Variants in NOX4 observed in about 807,000 individuals in gnomAD.
NOX4 encodes the protein NADPH oxidase 4.
A neutral mutation model predicts 87.6 loss-of-function variants in NOX4; 69 were observed. The ratio of observed to expected loss-of-function variants is 0.79; its 90% CI spans 0.65 to 0.96. The LOEUF (loss-of-function observed/expected upper bound fraction) is 0.96, where lower values mean the gene tolerates loss of function less well. Ranked by LOEUF, NOX4 falls within the 40% of genes least tolerant of loss-of-function variation. The probability of loss-of-function intolerance (pLI) is 0.00; values close to 1 mark genes in which losing one functional copy is unlikely to be tolerated. For synonymous variants in NOX4, 275 were observed against 238.2 expected (o/e 1.15, Z -1.42); for missense variants, 680 against 681.5 (o/e 1.00, Z 0.02).
chr11:89,532,299 C>T, the NOX4 span, among the ~76,000 whole-genome samples: 19 of 152,204 alleles, frequency 1.2e-4, no homozygotes, highest in African/African-American at 3.6e-4. Flanking sequence ...CCTACAGAGC[C>T]ACAGAGGCAG....
At position 89,422,963 on chromosome 11, in the gene NOX4, C is replaced by T. The variant is rs191290992; in HGVS notation, c.549-981G>A. Among the ~76,000 whole-genome samples, 187 of 152,010 alleles carry T rather than the reference C, an allele frequency of 1.2e-3. 2 individuals are homozygous for T. Among genetic ancestry groups the T allele is most frequent in the African/African-American group, 4.3e-3 (178 of 41,464 alleles). On this transcript the variant is annotated intron_variant, in intron 7 of 17. Coordinates refer to ENST00000263317, the MANE Select transcript of NOX4 (RefSeq NM_016931.5). ...TACAGGCACTCGCCACCATGACCAG[C>T]TAATATTTGCATTCTTGGTAGAGAT...
At chr11:89,518,436 T>A in the NOX4 span, among the ~76,000 whole-genome samples, 1 of 152,002 alleles carries the variant, frequency 6.6e-6, no homozygotes. Context: ...AAAAACATGA[T>A]CAGAATTAGT....
the NOX4 span, among the ~76,000 whole-genome samples, chr11:89,561,046 C>CATAT: frequency 1.6e-4 from 4 of 25,666 alleles, no homozygotes; most frequent in African/African-American, 2.2e-4. Context: ...ACACATATAT[C>CATAT]ATACATATAT....
upstream of NOX4, among the ~76,000 whole-genome samples, chr11:89,500,690 A>T (rs1312678882): frequency 6.6e-6 from 1 of 152,152 alleles, no homozygotes; most frequent in Non-Finnish European, 1.5e-5. Context: ...CATGAATTTA[A>T]GGACAATGAA....
At chr11:89,382,207 G>C (rs1398410475) in intron 11 of NOX4, among the ~76,000 whole-genome samples, 1 of 151,864 alleles carries the variant, frequency 6.6e-6, no homozygotes, top group Non-Finnish European at 1.5e-5. Context: ...CTCTGGGCTT[G>C]CCTTCTTCAC....
chr11:89,487,458 T>G (rs946677801), intron 2 of NOX4, among the ~76,000 whole-genome samples: 31 of 152,050 alleles, frequency 2.0e-4, no homozygotes, highest in African/African-American at 6.8e-4. Context: ...ACAACTTTGT[T>G]ATTACCTTAC....
At chr11:89,513,182 T>C in the NOX4 span, among the ~76,000 whole-genome samples, 1 of 151,914 alleles carries the variant, frequency 6.6e-6, no homozygotes, top group Non-Finnish European at 1.5e-5. Context: ...TAGCTGTGTG[T>C]GGTGGTGCAT....
intron 11 of NOX4, among the ~76,000 whole-genome samples, chr11:89,375,369 G>C (rs746451615): frequency 1.1e-4 from 17 of 152,034 alleles, no homozygotes; most frequent in Non-Finnish European, 2.4e-4. Flanking sequence ...GCAGTGGCAC[G>C]ATCTCGGCTC....
the NOX4 span, among the ~76,000 whole-genome samples, chr11:89,580,972 T>C: frequency 6.6e-6 from 1 of 152,198 alleles, no homozygotes; most frequent in Non-Finnish European, 1.5e-5. Context: ...TGACCTTCAG[T>C]GGATTTGAAA....
chr11:89,563,448 T>C, the NOX4 span, among the ~76,000 whole-genome samples: 2 of 152,186 alleles, frequency 1.3e-5, no homozygotes, highest in African/African-American at 2.4e-5. Flanking sequence ...GAGATTGATA[T>C]ACTCCAACCA....
upstream of NOX4, among the ~76,000 whole-genome samples, chr11:89,493,481 C>G (rs1482626603): frequency 6.6e-6 from 1 of 151,788 alleles, no homozygotes; most frequent in Non-Finnish European, 1.5e-5. Context: ...TTAAAACAAC[C>G]TATAATCAGT....
chr11:89,491,513 G>C, upstream of NOX4: 2 of 467,248 alleles, frequency 4.3e-6, no homozygotes, highest in African/African-American at 2.1e-5. Context: ...CGCTCTGAGC[G>C]CGCGGCCCAG....
At chr11:89,338,242 T>A in intron 15 of NOX4, among the ~76,000 whole-genome samples, 1 of 152,132 alleles carries the variant, frequency 6.6e-6, no homozygotes, top group East Asian at 1.9e-4. Flanking sequence ...AGTGACAGCA[T>A]AATATATTTT....
At chr11:89,498,913 A>T (rs1946988211), upstream of NOX4, 1 of 152,268 alleles carries the variant, frequency 6.6e-6, no homozygotes, top group African/African-American at 2.4e-5. Flanking sequence ...GAAATTTTTC[A>T]CACCAGATGC....
chr11:89,584,208 G>C, the NOX4 span, among the ~76,000 whole-genome samples: 1 of 151,966 alleles, frequency 6.6e-6, no homozygotes, highest in African/African-American at 2.4e-5. Flanking sequence ...GAATTACATT[G>C]TATTGTCATT....
intron 6 of NOX4, among the ~76,000 whole-genome samples, chr11:89,438,817 A>T (rs368044819): frequency 0.015 from 271 of 18,048 alleles, 3 homozygotes; most frequent in Middle Eastern, 0.042. Flanking sequence ...TATTATATAT[A>T]TTATATAATA....
chr11:89,569,225 G>T, the NOX4 span, among the ~76,000 whole-genome samples: 3 of 147,778 alleles, frequency 2.0e-5, no homozygotes, highest in Non-Finnish European at 4.5e-5. Context: ...TCTAATTAAA[G>T]AATTTATACA....
chr11:89,443,158 T>C (rs1944529755), intron 5 of NOX4, among the ~76,000 whole-genome samples: 1 of 152,190 alleles, frequency 6.6e-6, no homozygotes, highest in Non-Finnish European at 1.5e-5. Flanking sequence ...TGGTATTTTT[T>C]AAAATACCAA....
the NOX4 span, among the ~76,000 whole-genome samples, chr11:89,581,077 AG>A: frequency 6.6e-6 from 1 of 152,230 alleles, no homozygotes; most frequent in Non-Finnish European, 1.5e-5. Context: ...GAGGGTTGAC[AG>A]GTAAGCCAGT....
Sources: allele counts gnomAD v4.1 joint callset (sites outside exome capture counted in the v4.1 genomes callset), GRCh38; gene constraint gnomAD v4.1.1; transcripts MANE v1.5; gene names NCBI Gene and HGNC (gene_info 2026-07-23, HGNC 2026-07-21).